Variants in EMSY observed in about 807,000 individuals in gnomAD.
The protein encoded by EMSY is EMSY transcriptional repressor, BRCA2 interacting.
A neutral mutation model predicts 134.6 loss-of-function variants in EMSY; 26 were observed. That is an observed-to-expected ratio of 0.19 (90% CI 0.14 to 0.27). The LOEUF is 0.27. Ranked by LOEUF, EMSY falls within the 10% of genes least tolerant of loss-of-function variation. The pLI, the probability that EMSY is intolerant of heterozygous loss-of-function variation, is 1.00. For synonymous variants in EMSY, 579 were observed against 577.8 expected (o/e 1.00, Z -0.03); for missense variants, 1,305 against 1,611.4 (o/e 0.81, Z 3.26).
exon 21 of EMSY, chr11:76,550,369 A>AT (rs1951802034): frequency 2.5e-5 from 9 of 361,458 alleles, no homozygotes; most frequent in Admixed American, 4.5e-5. Context: ...AGAAAAAAAA[A>AT]GCTGCACATT....
intron 8 of EMSY, among the ~76,000 whole-genome samples, chr11:76,492,366 C>T (rs1034520632): frequency 6.6e-6 from 1 of 151,994 alleles, no homozygotes; most frequent in African/African-American, 2.4e-5. Context: ...CCCAGCTGAT[C>T]GGGAGTCTGA....
intron 9 of EMSY, chr11:76,496,917 A>G (rs532327097): frequency 1.8e-5 from 5 of 280,108 alleles, no homozygotes; most frequent in African/African-American, 6.9e-5. Flanking sequence ...AGAACTTCCA[A>G]TACTATGCTG....
chr11:76,516,079 TATTA>T, intron 10 of EMSY, 59 bp from the exon 12 acceptor site: 1 of 1,391,716 alleles, frequency 7.2e-7, no homozygotes, highest in Non-Finnish European at 1.0e-6. Context: ...AGTTAAACTG[TATTA>T]ATTATCATTC....
chr11:76,460,995 A>C (rs899651625), intron 6 of EMSY: 1 of 152,274 alleles, frequency 6.6e-6, no homozygotes, highest in Non-Finnish European at 1.5e-5. Flanking sequence ...GTCTCAAAAA[A>C]AAGAAAAAAA....
exon 20 of EMSY, chr11:76,546,074 C>T: frequency 1.9e-6 from 3 of 1,614,154 alleles, no homozygotes; most frequent in Middle Eastern, 3.3e-4. Context: ...ACTGGTGAAG[C>T]AGGATCATTA....
chr11:76,535,023 G>A (rs1427252120), intron 14 of EMSY, among the ~76,000 whole-genome samples: 1 of 152,132 alleles, frequency 6.6e-6, no homozygotes, highest in African/African-American at 2.4e-5. Context: ...AATATAATAA[G>A]CCTTGGATTA....
chr11:76,464,592 T>C (rs933442684), intron 7 of EMSY, among the ~76,000 whole-genome samples: 1 of 152,224 alleles, frequency 6.6e-6, no homozygotes, highest in Non-Finnish European at 1.5e-5. Context: ...ATTTTGTCAG[T>C]TTCATGTTTT....
At chr11:76,477,275 T>G (rs1036990227) in intron 8 of EMSY, among the ~76,000 whole-genome samples, 6 of 150,938 alleles carry the variant, frequency 4.0e-5, no homozygotes, top group African/African-American at 1.5e-4. Flanking sequence ...TTTCTGTTTT[T>G]TTTTTTGTTT....
chr11:76,546,126 T>A (rs919901773), exon 20 of EMSY: 52 of 1,614,026 alleles, frequency 3.2e-5, no homozygotes, highest in Admixed American at 1.2e-4. Context: ...CGAATTCCAC[T>A]CCCCAGCAAC....
chr11:76,480,677 A>T (rs929181466), intron 8 of EMSY, among the ~76,000 whole-genome samples: 1 of 152,182 alleles, frequency 6.6e-6, no homozygotes, highest in African/African-American at 2.4e-5. Flanking sequence ...CGAGATCAAC[A>T]CAGAAGGCAG....
intron 11 of EMSY, among the ~76,000 whole-genome samples, chr11:76,518,144 C>T (rs1433264363): frequency 6.7e-6 from 1 of 150,262 alleles, no homozygotes; most frequent in East Asian, 1.9e-4. Context: ...TCCCATCTTC[C>T]CCAAACAAAA....
chr11:76,517,742 A>C (rs906285424), intron 11 of EMSY, among the ~76,000 whole-genome samples: 3 of 152,204 alleles, frequency 2.0e-5, no homozygotes, highest in African/African-American at 7.2e-5. Context: ...TTGAATTATA[A>C]AACCATTCAT....
intron 1 of EMSY, among the ~76,000 whole-genome samples, chr11:76,445,576 G>A (rs1440327459): frequency 6.6e-6 from 1 of 152,148 alleles, no homozygotes; most frequent in African/African-American, 2.4e-5. Flanking sequence ...TGGAGAGGGG[G>A]CGGGGCGGGC....
chr11:76,549,009 A>G (rs1464163757), intron 20 of EMSY, among the ~76,000 whole-genome samples: 1 of 152,220 alleles, frequency 6.6e-6, no homozygotes, highest in Non-Finnish European at 1.5e-5. Context: ...TGGAGCTTAC[A>G]TTTTAAGAGT....
chr11:76,467,818 C>T (rs958977010), intron 7 of EMSY, among the ~76,000 whole-genome samples: 2 of 151,916 alleles, frequency 1.3e-5, no homozygotes, highest in Non-Finnish European at 2.9e-5. Flanking sequence ...CATGGAGAAA[C>T]GCTGTCCCTA....
Position 76,523,306 on chromosome 11 carries a change from C to A in EMSY, c.1821+15C>A, listed in dbSNP as rs1240465162. ...TAAATGCTGGAGTAAGTGAGAGCTT[C>A]AACTGCAGACTTAGCAATTCACAGA... On this transcript the variant is annotated intron_variant, in intron 12 of 20. Coordinates refer to ENST00000334736, the Ensembl canonical transcript of EMSY. 2 of 1,603,378 alleles carry A rather than the reference C, an allele frequency of 1.2e-6. No homozygotes were observed. The highest frequency in any genetic ancestry group is 1.7e-6 in the Non-Finnish European group (2 of 1,176,580).
intron 9 of EMSY, among the ~76,000 whole-genome samples, chr11:76,505,376 T>TG (rs1216069992): frequency 2.7e-5 from 4 of 148,752 alleles, no homozygotes; most frequent in Non-Finnish European, 4.5e-5. Flanking sequence ...TTTTTTTTTT[T>TG]TTTTTGTAGA....
chr11:76,523,273 A>G (rs1565344980), exon 12 of EMSY: 7 of 1,612,876 alleles, frequency 4.3e-6, no homozygotes, highest in Non-Finnish European at 5.9e-6. Context: ...ATGTTGTCAC[A>G]ACGTTGCTAA....
chr11:76,535,964 A>T (rs144798466), exon 15 of EMSY: 363 of 1,605,142 alleles, frequency 2.3e-4, no homozygotes, highest in Non-Finnish European at 2.9e-4. Flanking sequence ...ATTGCAATGG[A>T]GACTAGCCCT....
Sources: gnomAD v4.1 joint callset for allele counts (sites outside exome capture counted in the v4.1 genomes callset) on GRCh38, gnomAD v4.1.1 for gene constraint, MANE v1.5 for transcripts, NCBI Gene and HGNC (gene_info 2026-07-23, HGNC 2026-07-21) for gene names.